Variants in CEP104 observed in about 807,000 individuals in gnomAD.
The protein encoded by CEP104 is centrosomal protein 104.
A neutral mutation model predicts 113.3 loss-of-function variants in CEP104; 84 were observed. The ratio of observed to expected loss-of-function variants is 0.74; its 90% CI spans 0.62 to 0.89. The LOEUF is 0.89. CEP104 is among the 40% of genes least tolerant of loss of function. The pLI is 0.00. For synonymous variants in CEP104, 378 were observed against 421.7 expected, an observed-to-expected ratio of 0.90 and a Z score of 1.27; for missense variants, 1,053 against 1,156.6, an observed-to-expected ratio of 0.91 and a Z score of 1.30.
chr1:3,843,292 C>G (rs1262619098), intron 6 of CEP104: 1 of 653,662 alleles, frequency 1.5e-6, no homozygotes, highest in South Asian at 1.6e-5. Context: ...TTTAGCTCCC[C>G]AAAAGTGGAT....
rs1255376677 is a variant in CEP104 at position 3,826,826 on chromosome 1, A to C, written c.2152-82T>G. 5.6e-6 allele frequency: 8 copies of C among 1,419,166 alleles called. No homozygotes were observed. The East Asian group carries it at 1.8e-4, about 32-fold the overall frequency. 87.9% of individuals were successfully genotyped at this position (1,419,166 alleles called of 1,614,324 possible). On this transcript the variant is annotated intron_variant, in intron 15 of 21. Transcript: ENST00000378230. The stretch of plus-strand genomic sequence containing the variant: ...AGCCTGTTGAAGATATGTTTTCATC[A>C]CGAAAGCACATTTCTGGGTTTTGTT...
chr1:3,836,769 G>T, intron 9 of CEP104, 77 bp from the exon 10 acceptor site: 1 of 1,286,286 alleles, frequency 7.8e-7, no homozygotes, highest in Non-Finnish European at 1.1e-6. Flanking sequence ...CTCACTGGCA[G>T]GCTTACTGCG....
chr1:3,836,468 GTTTTTT>G (rs36051675), intron 10 of CEP104, 21 bp downstream of exon 10: 151 of 1,010,784 alleles, frequency 1.5e-4, no homozygotes, highest in Non-Finnish European at 1.7e-4. Context: ...CTGCCACCCC[GTTTTTT>G]TTTTTTTTTT....
chr1:3,817,145 G>A (rs1015957789), intron 20 of CEP104, among the ~76,000 whole-genome samples: 10 of 152,160 alleles, frequency 6.6e-5, no homozygotes, highest in Admixed American at 6.5e-5. Flanking sequence ...AGCCTGGCCA[G>A]CTTGGTGAAA....
chr1:3,839,224 G>A, intron 7 of CEP104, 105 bp from the exon 8 acceptor site: 1 of 1,007,388 alleles, frequency 9.9e-7, no homozygotes, highest in Non-Finnish European at 1.5e-6. Flanking sequence ...CAAGGAGAGG[G>A]AGTGAGCACA....
intron 6 of CEP104, among the ~76,000 whole-genome samples, chr1:3,843,743 G>C (rs1644456411): frequency 6.6e-6 from 1 of 151,682 alleles, no homozygotes; most frequent in Non-Finnish European, 1.5e-5. Flanking sequence ...CGGGTAGAGA[G>C]AGATTGGTAA....
chr1:3,832,324 G>A (rs570974944), intron 12 of CEP104, among the ~76,000 whole-genome samples: 169 of 151,756 alleles, frequency 1.1e-3, no homozygotes, highest in African/African-American at 4.0e-3. Flanking sequence ...GTAACCAGGA[G>A]TGTAGTGTAG....
chr1:3,817,770 T>C (rs1359831987), intron 20 of CEP104, among the ~76,000 whole-genome samples: 2 of 152,208 alleles, frequency 1.3e-5, no homozygotes, highest in East Asian at 3.8e-4. Context: ...TGGGTGACTG[T>C]GGCTTGCTTT....
At chr1:3,827,638 A>G (rs1011203969) in intron 15 of CEP104, among the ~76,000 whole-genome samples, 3 of 152,254 alleles carry the variant, frequency 2.0e-5, no homozygotes, top group Non-Finnish European at 4.4e-5. Flanking sequence ...CACAGTGTGC[A>G]CTGAAAATGG....
intron 4 of CEP104, among the ~76,000 whole-genome samples, chr1:3,846,168 C>G (rs577034322): frequency 1.3e-5 from 2 of 151,790 alleles, no homozygotes; most frequent in South Asian, 4.2e-4. Context: ...AATGAGACAT[C>G]CACGTGAGAT....
Position 3,833,845 on chromosome 1 carries a change from C to T in CEP104, c.1659+17G>A, listed in dbSNP as rs147923384. The T allele has an allele frequency of 7.4e-6, 12 of 1,612,814 alleles. No individual in the cohort carries two copies. The Admixed American group carries it at 1.0e-4, about 13-fold the overall frequency. On this transcript the variant is annotated intron_variant, in intron 12 of 21. Transcript: ENST00000378230. ...GTTTATCATCTACGGTTTCAAATGC[C>T]GTGGTGAAGTTCAGACCTGAATAAA... is the stretch of plus-strand genomic sequence containing the variant.
chr1:3,813,957 C>T lies in CEP104; in HGVS notation c.*1445G>A, dbSNP rs1415684771. 2.0e-5 allele frequency: 3 copies of T among 152,116 alleles called. No individual in the cohort carries two copies. The highest frequency in any genetic ancestry group is 2.9e-5 in the Non-Finnish European group (2 of 68,036). 9.4% of individuals were successfully genotyped at this position (152,116 alleles called of 1,614,324 possible). A position where few individuals can be genotyped will look rare whatever the true frequency, so the allele number is the denominator to read the frequency against. On this transcript the variant is annotated 3_prime_UTR_variant, in exon 22 of 22. Transcript: ENST00000378230. The stretch of plus-strand genomic sequence containing the variant: ...CAACCAGAGGTATTAGTTTACCAAA[C>T]GTGGAGATTAATTCATGCAAATTTA...
At position 3,839,653 on chromosome 1, in the gene CEP104, A is replaced by T; in HGVS notation, c.690T>A (p.Tyr230Ter). 1 of 1,613,982 alleles carries T rather than the reference A, an allele frequency of 6.2e-7. No homozygotes were observed. Among genetic ancestry groups the T allele is most frequent in the East Asian group, 2.2e-5 (1 of 44,880 alleles). The change falls in exon 7 of 22, where the codon TAT becomes TAA. Residue 230 changes from tyrosine (Y) to a stop codon, truncating the protein, a stop_gained. Coordinates refer to ENST00000378230, the MANE Select transcript of CEP104 (RefSeq NM_014704.4). LOFTEE classifies it high-confidence loss of function. The part of the protein sequence containing the change: ...RKREAVQKER[Y>*]DYAKKLKQAI... ...CTTGTTTTAGTTTCTTGGCATAATC[A>T]TAGCGTTCCTTTTGGACAGCTTCCC...
chr1:3,829,930 T>C lies in CEP104; in HGVS notation c.1904A>G (p.Asp635Gly), dbSNP rs760375576. Residue 635 changes from aspartate to glycine, a missense_variant, in exon 14 of 22, where the codon GAC (aspartate) becomes GGC (glycine). By Grantham distance (94) the Asp-to-Gly change is moderately conservative. Transcript: ENST00000378230. ...GGAAGCCTGGTGCTGTCTGTACATG[T>C]CCAAAATAATTCGAACCGCCGTCTC... is the stretch of plus-strand genomic sequence containing the variant. Reference protein sequence around the residue: ...VRETAVRIILDMYRQHQASIL... With the variant: ...VRETAVRIILGMYRQHQASIL... 1.1e-5 allele frequency: 17 copies of C among 1,614,044 alleles called. 1 individual carries two copies. Among genetic ancestry groups the C allele is most frequent in the Non-Finnish European group, 9.3e-6 (11 of 1,180,044 alleles).
chr1:3,825,623 G>T, intron 18 of CEP104, 135 bp downstream of exon 18: 1 of 642,538 alleles, frequency 1.6e-6, no homozygotes, highest in Non-Finnish European at 2.8e-6. Flanking sequence ...GCGGGTGTGT[G>T]CTTGGCTTCA....
chr1:3,818,896 GCTTT>G (rs1377975569), intron 20 of CEP104, among the ~76,000 whole-genome samples: 1 of 152,168 alleles, frequency 6.6e-6, no homozygotes, highest in Non-Finnish European at 1.5e-5. Flanking sequence ...CAAGGCTTAA[GCTTT>G]CTGTGTCCTG....
intron 20 of CEP104, 56 bp from the exon 21 acceptor site, chr1:3,816,426 AC>A: frequency 7.1e-7 from 1 of 1,400,488 alleles, no homozygotes; most frequent in Non-Finnish European, 9.7e-7. Context: ...CTGGCACGCT[AC>A]CTGAGACCCA....
In CEP104 at chr1:3,819,102, C is replaced by G. The variant is rs1457572198; in HGVS notation, c.2572-2732G>C. On this transcript the variant is annotated intron_variant, in intron 20 of 21. Transcript: ENST00000378230. The surrounding 1 kb of genome is among the most constrained non-coding windows in gnomAD (Gnocchi z 4.6). Reference sequence around the variant, plus strand: ...AAAATTCCAGATGTTAGAATTAGCACAAAAGGACTTTAAAGCAGATACCTA... The same window carrying G: ...AAAATTCCAGATGTTAGAATTAGCAGAAAAGGACTTTAAAGCAGATACCTA... 6.6e-6 allele frequency among the ~76,000 whole-genome samples: 1 copy of G among 152,162 alleles called. No individual in the cohort carries two copies. Among genetic ancestry groups the G allele is most frequent in the Non-Finnish European group, 1.5e-5 (1 of 68,032 alleles).
chr1:3,829,730 G>A (rs901436894), intron 14 of CEP104, 61 bp downstream of exon 14: 18 of 1,495,932 alleles, frequency 1.2e-5, no homozygotes, highest in Non-Finnish European at 1.5e-5. Context: ...TTTACGTACC[G>A]AGTAACTGAG....
Sources: gnomAD v4.1 joint callset for allele counts (sites outside exome capture counted in the v4.1 genomes callset) on GRCh38, gnomAD v4.1.1 for gene constraint, Gnocchi (gnomAD v3.1) non-coding constraint, MANE v1.5 for transcripts, NCBI Gene and HGNC (gene_info 2026-07-23, HGNC 2026-07-21) for gene names.